The following ZFAND3 variants were observed in gnomAD, a reference collection of about 807,000 sequenced individuals.
ZFAND3 encodes AN1-type zinc finger protein 3.
Under a neutral mutation model 29.6 loss-of-function variants are expected in ZFAND3, and 10 were observed. That is an observed-to-expected ratio of 0.34 (90% CI 0.21 to 0.57). The LOEUF (loss-of-function observed/expected upper bound fraction) is 0.57. ZFAND3 is among the 20% of genes least tolerant of loss of function. The pLI, the probability that ZFAND3 is intolerant of heterozygous loss-of-function variation, is 0.86. For synonymous variants in ZFAND3, 128 were observed against 112.6 expected (o/e 1.14, Z -0.87); for missense variants, 230 against 304.5 (o/e 0.76, Z 1.82).
At chr6:38,091,708 GC>G in intron 4 of ZFAND3, among the ~76,000 whole-genome samples, 1 of 65,512 alleles carries the variant, frequency 1.5e-5, no homozygotes, top group African/African-American at 5.8e-5. Flanking sequence ...TTTTTTTTTT[GC>G]CCCACTCAGT....
chr6:37,952,818 T>C (rs1226928659), intron 2 of ZFAND3, among the ~76,000 whole-genome samples: 1 of 151,526 alleles, frequency 6.6e-6, no homozygotes, highest in African/African-American at 2.4e-5. Context: ...CCTTCTCCTC[T>C]AGCCCAGAGT....
intron 1 of ZFAND3, among the ~76,000 whole-genome samples, chr6:37,861,281 A>G (rs1307802574): frequency 6.6e-6 from 1 of 152,146 alleles, no homozygotes; most frequent in Non-Finnish European, 1.5e-5. Flanking sequence ...AAAAAATAGC[A>G]TGATGAAAGT....
chr6:37,895,459 CT>C (rs11331881), intron 1 of ZFAND3, among the ~76,000 whole-genome samples: 32,681 of 78,178 alleles, frequency 0.42, 3,607 homozygotes, highest in East Asian at 0.55. Context: ...CTCAGAGGTT[CT>C]TTTTTTTTTT....
intron 1 of ZFAND3, among the ~76,000 whole-genome samples, chr6:37,823,244 G>A (rs1763699478): frequency 6.6e-6 from 1 of 152,140 alleles, no homozygotes; most frequent in Admixed American, 6.5e-5. Context: ...AGAAGTGAAA[G>A]CCATTCAGGA....
rs1169838088 is a variant in ZFAND3, at chr6:38,154,140, A to G, written c.*1751A>G. On this transcript the variant is annotated 3_prime_UTR_variant, in exon 6 of 6. Coordinates refer to ENST00000287218, the MANE Select transcript of ZFAND3 (RefSeq NM_021943.3). ...GAGGGGCCAGGTCTGCCCAGCGTTTACCACTGCTGTCAAGCCACAGCCCTT... is the reference window on the plus strand; with the variant it reads ...GAGGGGCCAGGTCTGCCCAGCGTTTGCCACTGCTGTCAAGCCACAGCCCTT... 6.1e-6 allele frequency: 6 copies of G among 985,408 alleles called. No individual in the cohort carries two copies. In the East Asian group the frequency reaches 4.5e-4, roughly 74 times the overall value. 61.0% of individuals were successfully genotyped at this position (985,408 alleles called of 1,614,324 possible).
At chr6:37,971,924 G>A (rs145225478) in intron 2 of ZFAND3, among the ~76,000 whole-genome samples, 2 of 151,522 alleles carry the variant, frequency 1.3e-5, no homozygotes, top group South Asian at 2.1e-4. Context: ...TGCTTGAGCC[G>A]TGATCTTGCC....
At chr6:38,062,183 CT>C (rs1366516899) in intron 3 of ZFAND3, among the ~76,000 whole-genome samples, 1 of 152,128 alleles carries the variant, frequency 6.6e-6, no homozygotes, top group Admixed American at 6.5e-5. Flanking sequence ...GATTCTAACC[CT>C]AAAACCCTAA....
At chr6:37,986,292 C>T (rs540461953) in intron 2 of ZFAND3, among the ~76,000 whole-genome samples, 1 of 152,282 alleles carries the variant, frequency 6.6e-6, no homozygotes, top group African/African-American at 2.4e-5. Flanking sequence ...TACTCACTTA[C>T]ATTACCTGCC....
chr6:38,097,294 C>G (rs1194309312), intron 4 of ZFAND3, among the ~76,000 whole-genome samples: 1 of 143,940 alleles, frequency 6.9e-6, no homozygotes, highest in East Asian at 2.1e-4. Context: ...CGCTTGTTGT[C>G]CAGGTTGGTC....
At chr6:37,927,391 A>C (rs1354440622) in intron 1 of ZFAND3, among the ~76,000 whole-genome samples, 2 of 152,346 alleles carry the variant, frequency 1.3e-5, no homozygotes, top group East Asian at 1.9e-4. Context: ...TAGTGACCGC[A>C]TCAGAAGGGC....
chr6:37,993,808 G>A (rs1259616460), intron 2 of ZFAND3, among the ~76,000 whole-genome samples: 1 of 151,812 alleles, frequency 6.6e-6, no homozygotes, highest in Non-Finnish European at 1.5e-5. Flanking sequence ...AAATTGTCAC[G>A]TGATAATGAT....
chr6:37,954,462 C>T (rs147713708), intron 2 of ZFAND3, among the ~76,000 whole-genome samples: 1,955 of 152,212 alleles, frequency 0.013, 28 homozygotes, highest in Middle Eastern at 0.051. Context: ...CTAATCCCAT[C>T]CAGTGTATTT....
chr6:38,011,480 T>C (rs986657067), intron 2 of ZFAND3, among the ~76,000 whole-genome samples: 15 of 152,202 alleles, frequency 9.9e-5, no homozygotes, highest in Non-Finnish European at 8.8e-5. Flanking sequence ...GTGTTGTCAG[T>C]CTTTAAAAAA....
At chr6:38,119,733 G>A (rs1377623831) in intron 5 of ZFAND3, among the ~76,000 whole-genome samples, 2 of 152,188 alleles carry the variant, frequency 1.3e-5, no homozygotes, top group African/African-American at 4.8e-5. Flanking sequence ...TGCCAGTGAG[G>A]CCTTCTCTAA....
At chr6:37,877,925 C>T (rs1045049249) in intron 1 of ZFAND3, among the ~76,000 whole-genome samples, 1 of 152,158 alleles carries the variant, frequency 6.6e-6, no homozygotes, top group African/African-American at 2.4e-5. Flanking sequence ...ATCAGACTTA[C>T]ACAATGCAAA....
At chr6:37,890,524 G>T (rs1441999506) in intron 1 of ZFAND3, among the ~76,000 whole-genome samples, 1 of 152,116 alleles carries the variant, frequency 6.6e-6, no homozygotes. Flanking sequence ...GATCTGTATT[G>T]TTCTACCTCA....
At chr6:37,956,053 G>A (rs1762081568) in intron 2 of ZFAND3, among the ~76,000 whole-genome samples, 1 of 152,138 alleles carries the variant, frequency 6.6e-6, no homozygotes, top group Non-Finnish European at 1.5e-5. Flanking sequence ...AAGTGCATAT[G>A]CTGTGTAGGG....
chr6:38,012,152 G>A (rs1026433041), intron 2 of ZFAND3, among the ~76,000 whole-genome samples: 4 of 152,108 alleles, frequency 2.6e-5, no homozygotes, highest in African/African-American at 4.8e-5. Context: ...TGTAATGTAA[G>A]CATCTCCGTT....
At chr6:37,843,115 GTT>G in intron 1 of ZFAND3, among the ~76,000 whole-genome samples, 1 of 116,304 alleles carries the variant, frequency 8.6e-6, no homozygotes, top group East Asian at 2.6e-4. Context: ...GAGTGAAACT[GTT>G]TCACAAAAAA....
Sources: allele counts gnomAD v4.1 joint callset (sites outside exome capture counted in the v4.1 genomes callset), GRCh38; gene constraint gnomAD v4.1.1; transcripts MANE v1.5; gene names NCBI Gene and HGNC (gene_info 2026-07-23, HGNC 2026-07-21).